Variants in SEC31A observed in about 807,000 individuals in gnomAD.
SEC31A encodes the protein SEC31 homolog A, COPII component, also known as protein transport protein Sec31A.
SEC31A carries 70 observed loss-of-function variants against 151.0 expected under a neutral mutation model. The ratio of observed to expected loss-of-function variants is 0.46; its 90% confidence interval spans 0.38 to 0.57. SEC31A has a LOEUF of 0.57. Ranked by LOEUF, SEC31A falls within the 20% of genes least tolerant of loss-of-function variation. The probability of loss-of-function intolerance (pLI) is 0.00; values close to 1 mark genes in which losing one functional copy is unlikely to be tolerated. For missense variants in SEC31A, 1,330 were observed against 1,471.2 expected, an observed-to-expected ratio of 0.90 and a Z score of 1.57; for synonymous variants, 475 against 505.9, an observed-to-expected ratio of 0.94 and a Z score of 0.82.
At chr4:82,881,791 T>C (rs1015701545) in intron 2 of SEC31A, 67 bp downstream of exon 2, 3 of 1,216,496 alleles carry the variant, frequency 2.5e-6, no homozygotes, top group Non-Finnish European at 3.7e-6. Context: ...AAGCTTAAAC[T>C]GAATAAGCTA....
intron 13 of SEC31A, 196 bp from the exon 14 acceptor site, chr4:82,861,904 TC>T: frequency 3.2e-5 from 8 of 248,818 alleles, no homozygotes; most frequent in East Asian, 2.0e-4. Flanking sequence ...ACTTTCCCAT[TC>T]TTTTTTTTTT....
intron 23 of SEC31A, among the ~76,000 whole-genome samples, chr4:82,828,687 A>AAAAG: frequency 6.6e-6 from 1 of 150,542 alleles, no homozygotes; most frequent in South Asian, 2.1e-4. Context: ...AAAAAAAAAA[A>AAAAG]AAAAAAAAAA....
chr4:82,878,812 A>G lies in SEC31A; in HGVS notation c.320T>C (p.Ile107Thr), dbSNP rs756978431. The stretch of plus-strand genomic sequence containing the variant: ...AATCACAACTTCCTTGTCTCCAGCT[A>G]TAATTTTAGAAGGATCATAGAGAAT... ...NIILYDPSKIIAGDKEVVIAQ... is the reference protein window; with the variant it reads ...NIILYDPSKITAGDKEVVIAQ... Residue 107 changes from isoleucine (I) to threonine (T), a missense_variant, in exon 4 of 27, where the codon ATA becomes ACA. Transcript: ENST00000395310. 7.4e-5 allele frequency: 119 copies of G among 1,613,926 alleles called. No individual in the cohort carries two copies. The highest frequency in any genetic ancestry group is 1.0e-4 in the Non-Finnish European group (119 of 1,179,916).
intron 20 of SEC31A, among the ~76,000 whole-genome samples, chr4:82,848,083 C>T (rs1372414567): frequency 6.6e-6 from 1 of 152,010 alleles, no homozygotes; most frequent in Non-Finnish European, 1.5e-5. Context: ...CAATCAAGAC[C>T]ATTTATTACC....
rs773854516 is a variant in SEC31A at position 82,878,875 on chromosome 4, G to A, written c.257C>T (p.Ser86Phe). The A allele has an allele frequency of 6.2e-7, 1 of 1,613,904 alleles. No homozygotes were observed. Among genetic ancestry groups the A allele is most frequent in the South Asian group, 1.1e-5 (1 of 91,072 alleles). ...TTCACCACCTGCAATCAGAACTCCA[G>A]AGACATCTCCTTTGGAATCCATTTT... The part of the protein sequence containing the change: ...PYKMDSKGDV[S>F]GVLIAGGENG... The change falls in exon 4 of 27, where the codon TCT (serine) becomes TTT (phenylalanine). Residue 86 changes from serine to phenylalanine, a missense_variant. Transcript: ENST00000395310.
intron 1 of SEC31A, among the ~76,000 whole-genome samples, chr4:82,883,598 G>A (rs1020529544): frequency 1.3e-5 from 2 of 152,170 alleles, no homozygotes; most frequent in East Asian, 1.9e-4. Flanking sequence ...AGGAGCCGAA[G>A]CAAGTGGATT....
At chr4:82,869,419 T>G (rs909698917) in intron 8 of SEC31A, among the ~76,000 whole-genome samples, 10 of 152,006 alleles carry the variant, frequency 6.6e-5, no homozygotes, top group African/African-American at 2.4e-4. Context: ...CCTGAGCCAC[T>G]GCACCCGGCC....
intron 7 of SEC31A, 38 bp from the exon 8 acceptor site, chr4:82,870,462 T>A: frequency 6.7e-7 from 1 of 1,496,146 alleles, no homozygotes; most frequent in Non-Finnish European, 9.3e-7. Context: ...ATTTTTAATC[T>A]TGAGAAAACC....
chr4:82,898,048 C>T (rs554163925), intron 3 of SEC31A: 1 of 152,308 alleles, frequency 6.6e-6, no homozygotes, highest in African/African-American at 2.4e-5. Context: ...CTCAACATCT[C>T]TGAGAGTACA....
chr4:82,884,636 A>G (rs1463675589), intron 1 of SEC31A, among the ~76,000 whole-genome samples: 1 of 152,250 alleles, frequency 6.6e-6, no homozygotes, highest in Non-Finnish European at 1.5e-5. Context: ...TGACAAATGT[A>G]TAACAACATG....
intron 22 of SEC31A, among the ~76,000 whole-genome samples, chr4:82,837,212 TAA>T (rs1727593313): frequency 8.4e-6 from 1 of 118,372 alleles, no homozygotes; most frequent in African/African-American, 3.1e-5. Flanking sequence ...TTCACCACAA[TAA>T]AAACTTTAAT....
At chr4:82,836,100 C>G (rs1407139659) in intron 22 of SEC31A, among the ~76,000 whole-genome samples, 1 of 151,994 alleles carries the variant, frequency 6.6e-6, no homozygotes, top group Non-Finnish European at 1.5e-5. Flanking sequence ...ATTGGCCGGG[C>G]GCGGTGGCTC....
chr4:82,879,695 T>C (rs1423444608), intron 3 of SEC31A, among the ~76,000 whole-genome samples: 1 of 152,200 alleles, frequency 6.6e-6, no homozygotes, highest in African/African-American at 2.4e-5. Flanking sequence ...TTGAGCTATA[T>C]TCTGTCAGCT....
chr4:82,867,450 A>G (rs1735654023), intron 8 of SEC31A, 134 bp from the exon 9 acceptor site: 1 of 728,694 alleles, frequency 1.4e-6, no homozygotes, highest in Non-Finnish European at 2.2e-6. Context: ...TTTAGCCAGG[A>G]AAAAGAATAC....
intron 8 of SEC31A, among the ~76,000 whole-genome samples, chr4:82,870,004 A>G (rs762744269): frequency 1.9e-4 from 29 of 152,220 alleles, no homozygotes; most frequent in Non-Finnish European, 4.1e-4. Flanking sequence ...ACAATCCTAC[A>G]TCGAAGATAC....
intron 1 of SEC31A, among the ~76,000 whole-genome samples, chr4:82,882,921 C>G (rs1432130684): frequency 6.6e-6 from 1 of 152,152 alleles, no homozygotes; most frequent in African/African-American, 2.4e-5. Context: ...AGTTCGAGAC[C>G]AGCCTCGCCA....
intron 7 of SEC31A, 33 bp downstream of exon 7, chr4:82,871,911 C>G (rs759701367): frequency 3.1e-6 from 5 of 1,613,202 alleles, no homozygotes; most frequent in Non-Finnish European, 4.2e-6. Context: ...AGAAAATAAA[C>G]AAATCAAGTT....
In SEC31A at chr4:82,881,764, G is replaced by T. The variant is rs1739406414; in HGVS notation, c.79+94C>A. On this transcript the variant is annotated intron_variant, in intron 2 of 26. Transcript: ENST00000395310. ...TCAGTAACTTGCCAGGGAGAGAGAGGCTTTCTAGAGAAGATAAAGCTTAAA... is the reference window on the plus strand; with the variant it reads ...TCAGTAACTTGCCAGGGAGAGAGAGTCTTTCTAGAGAAGATAAAGCTTAAA... 4.3e-6 allele frequency: 4 copies of T among 936,540 alleles called. No individual in the cohort carries two copies. In the South Asian group the frequency reaches 5.6e-5, roughly 13 times the overall value. The allele number at this position is 936,540 out of a possible 1,614,324, so 58.0% of individuals were successfully genotyped here.
chr4:82,865,834 A>G (rs1334892641), intron 10 of SEC31A, among the ~76,000 whole-genome samples: 1 of 152,128 alleles, frequency 6.6e-6, no homozygotes, highest in Non-Finnish European at 1.5e-5. Flanking sequence ...GTTTTGCAAG[A>G]TGAGAAAGTT....
Sources: allele counts gnomAD v4.1 joint callset (sites outside exome capture counted in the v4.1 genomes callset), GRCh38; gene constraint gnomAD v4.1.1; transcripts MANE v1.5; gene names NCBI Gene and HGNC (gene_info 2026-07-23, HGNC 2026-07-21).